Variants in TMTC1 observed in about 807,000 individuals in gnomAD.
TMTC1 encodes protein O-mannosyl-transferase TMTC1.
A neutral mutation model predicts 104.8 loss-of-function variants in TMTC1; 73 were observed. That is an observed-to-expected ratio of 0.70 (90% CI 0.58 to 0.85). The LOEUF (loss-of-function observed/expected upper bound fraction) is 0.85. Ranked by LOEUF, TMTC1 falls within the 40% of genes least tolerant of loss-of-function variation. The pLI is 0.00. For missense variants in TMTC1, 1,035 were observed against 1,096.1 expected, an observed-to-expected ratio of 0.94 and a Z score of 0.79; for synonymous variants, 434 against 428.7, an observed-to-expected ratio of 1.01 and a Z score of -0.15.
intron 7 of TMTC1, among the ~76,000 whole-genome samples, chr12:29,585,905 C>T (rs1592274793): frequency 1.3e-5 from 2 of 152,202 alleles, no homozygotes; most frequent in African/African-American, 2.4e-5. Context: ...TGGCTTAGGA[C>T]TGACTTGGAA....
intron 5 of TMTC1, among the ~76,000 whole-genome samples, chr12:29,686,816 T>C (rs1332068195): frequency 1.3e-5 from 2 of 152,368 alleles, no homozygotes; most frequent in East Asian, 3.9e-4. Flanking sequence ...AAATCCATTC[T>C]AGCTATAACA....
intron 5 of TMTC1, among the ~76,000 whole-genome samples, chr12:29,726,817 G>A (rs543845696): frequency 2.0e-5 from 3 of 152,258 alleles, no homozygotes; most frequent in East Asian, 1.9e-4. Flanking sequence ...CTAAAGTTCC[G>A]AAGACTTACT....
chr12:29,523,976 A>G (rs748585468), intron 11 of TMTC1, among the ~76,000 whole-genome samples: 5 of 151,958 alleles, frequency 3.3e-5, no homozygotes, highest in Non-Finnish European at 7.4e-5. Context: ...TTATGATTTT[A>G]CTTAGGTGAG....
At chr12:29,668,013 C>T (rs918549689) in intron 5 of TMTC1, among the ~76,000 whole-genome samples, 1 of 152,192 alleles carries the variant, frequency 6.6e-6, no homozygotes, top group Non-Finnish European at 1.5e-5. Context: ...CCAAATCAAG[C>T]ATTCACTACT....
chr12:29,635,237 C>T (rs1938490841), intron 5 of TMTC1, among the ~76,000 whole-genome samples: 3 of 151,858 alleles, frequency 2.0e-5, no homozygotes, highest in African/African-American at 4.8e-5. Context: ...GGGCCTGCGA[C>T]ATTGTCACCT....
At position 29,501,352 on chromosome 12, in the gene TMTC1, T is replaced by C. The variant is rs1943587105; in HGVS notation, c.*5494A>G. 1 of 152,208 alleles carries C rather than the reference T, an allele frequency of 6.6e-6. No homozygotes were observed. The highest frequency in any genetic ancestry group is 2.1e-4 in the South Asian group (1 of 4,830). 9.4% of individuals were successfully genotyped at this position (152,208 alleles called of 1,614,324 possible). ...ATTATCTCATCAGATGCATGGTGTT[T>C]TTCAATCCAGATTCAAGAGTAACTA... On this transcript the variant is annotated 3_prime_UTR_variant, in exon 18 of 18. Coordinates refer to ENST00000539277, the MANE Select transcript of TMTC1 (RefSeq NM_001193451.2).
At position 29,657,246 on chromosome 12, in the gene TMTC1, G is replaced by C. The variant is rs548153217; in HGVS notation, c.939-23910C>G. On this transcript the variant is annotated intron_variant, in intron 5 of 17. Transcript: ENST00000539277. ...TTATCCAAGAATATATGGCAAAGTT[G>C]GTTTTTCTCTTAAAGACAAAGGTAG... Among the ~76,000 whole-genome samples the C allele has an allele frequency of 6.6e-5, 10 of 152,248 alleles. No homozygotes were observed. In the South Asian group the frequency reaches 1.4e-3, roughly 22 times the overall value.
chr12:29,602,751 C>T (rs911733921), intron 7 of TMTC1, among the ~76,000 whole-genome samples: 14 of 151,982 alleles, frequency 9.2e-5, no homozygotes, highest in Admixed American at 1.3e-4. Context: ...ACCTATTAAA[C>T]GCTTAATATG....
intron 11 of TMTC1, among the ~76,000 whole-genome samples, chr12:29,528,123 G>A (rs992368375): frequency 1.3e-5 from 2 of 152,086 alleles, no homozygotes; most frequent in Non-Finnish European, 2.9e-5. Flanking sequence ...TCTCTGGAAG[G>A]GTAATGCATT....
intron 6 of TMTC1, among the ~76,000 whole-genome samples, chr12:29,626,848 C>A (rs1938020166): frequency 1.3e-5 from 2 of 152,170 alleles, no homozygotes; most frequent in South Asian, 4.1e-4. Context: ...TGCCTGTAAT[C>A]CCAGCACTTT....
chr12:29,711,136 C>A (rs754913), intron 5 of TMTC1, among the ~76,000 whole-genome samples: 9,141 of 151,384 alleles, frequency 0.06, 350 homozygotes, highest in Middle Eastern at 0.18. Flanking sequence ...GCATGCACCA[C>A]CATGCCTGGG....
rs36046665 is a variant in TMTC1 at position 29,623,437 on chromosome 12, G to GA, written c.1128+9709dup. On this transcript the variant is annotated intron_variant, in intron 6 of 17. Coordinates refer to ENST00000539277, the MANE Select transcript of TMTC1 (RefSeq NM_001193451.2). ...TGGTTGATGATGAAATAGGAAGCAA[G>GA]AAGAAGGTTTTTGGTAAATTGGAGA... Among the ~76,000 whole-genome samples, 648 of 152,312 alleles carry GA rather than the reference G, an allele frequency of 4.3e-3. 2 individuals are homozygous for GA. The highest frequency in any genetic ancestry group is 6.0e-3 in the Non-Finnish European group (405 of 68,032).
At chr12:29,751,384 C>G (rs567636722) in intron 5 of TMTC1, among the ~76,000 whole-genome samples, 83 of 152,184 alleles carry the variant, frequency 5.5e-4, no homozygotes, top group African/African-American at 1.8e-3. Flanking sequence ...AAACGTAGGG[C>G]GCCCATCTTC....
intron 8 of TMTC1, among the ~76,000 whole-genome samples, chr12:29,581,488 G>C (rs1211499820): frequency 6.6e-6 from 1 of 152,110 alleles, no homozygotes; most frequent in Non-Finnish European, 1.5e-5. Context: ...GAAATCAATT[G>C]ATGTGAAGAT....
intron 5 of TMTC1, among the ~76,000 whole-genome samples, chr12:29,706,747 T>C (rs1474274303): frequency 6.6e-6 from 1 of 152,182 alleles, no homozygotes; most frequent in African/African-American, 2.4e-5. Context: ...GTTAATTCTT[T>C]CAATGCCATT....
At chr12:29,729,322 G>A (rs1942486415) in intron 5 of TMTC1, among the ~76,000 whole-genome samples, 2 of 151,820 alleles carry the variant, frequency 1.3e-5, no homozygotes, top group Admixed American at 1.3e-4. Flanking sequence ...TGTGTATTCT[G>A]GATCTCTCCA....
intron 6 of TMTC1, among the ~76,000 whole-genome samples, chr12:29,628,652 G>A (rs577507895): frequency 1.3e-5 from 2 of 152,052 alleles, no homozygotes; most frequent in African/African-American, 4.8e-5. Context: ...TGTAACCCAA[G>A]CATTCCTTTA....
At chr12:29,719,194 ATC>A (rs1300232959) in intron 5 of TMTC1, among the ~76,000 whole-genome samples, 1 of 152,114 alleles carries the variant, frequency 6.6e-6, no homozygotes, top group Non-Finnish European at 1.5e-5. Context: ...ATTTCAGATA[ATC>A]TCTATTTATA....
intron 5 of TMTC1, among the ~76,000 whole-genome samples, chr12:29,635,192 C>CAAA (rs35368951): frequency 7.0e-6 from 1 of 141,998 alleles, no homozygotes; most frequent in Non-Finnish European, 1.5e-5. Context: ...CAAAAAATGC[C>CAAA]AAAAAAAAAA....
Sources: allele counts gnomAD v4.1 joint callset (sites outside exome capture counted in the v4.1 genomes callset), GRCh38; gene constraint gnomAD v4.1.1; transcripts MANE v1.5; gene names NCBI Gene and HGNC (gene_info 2026-07-23, HGNC 2026-07-21).